ZNF345: variants seen among roughly 807,000 people sequenced by gnomAD.
ZNF345 encodes the protein zinc finger protein HZF10.
For synonymous variants in ZNF345, 166 were observed against 187.9 expected (o/e 0.88, Z 0.95); for missense variants, 527 against 589.9 (o/e 0.89, Z 1.10).
intron 2 of ZNF345, among the ~76,000 whole-genome samples, chr19:36,867,996 G>A (rs1409939900): frequency 6.7e-6 from 1 of 148,466 alleles, no homozygotes; most frequent in Non-Finnish European, 1.5e-5. Flanking sequence ...TGGATATGAG[G>A]AGTGGCTTTT....
At chr19:36,866,145 T>C (rs944720159) in intron 2 of ZNF345, among the ~76,000 whole-genome samples, 1 of 152,194 alleles carries the variant, frequency 6.6e-6, no homozygotes, top group African/African-American at 2.4e-5. Flanking sequence ...TTTTGTCTTA[T>C]TTGGTATCAT....
In ZNF345 at chr19:36,852,572, C is replaced by A. The variant is rs566104134; in HGVS notation, c.-47+668C>A. Among the ~76,000 whole-genome samples the A allele has an allele frequency of 3.8e-4, 57 of 151,046 alleles. No individual in the cohort carries two copies. In the Middle Eastern group the frequency reaches 0.01, roughly 27 times the overall value. ...CAGTGAGCCAAGATTGTGCCACTGC[C>A]CTCCAGCCTGGTGACAGAGTGAGAC... is the stretch of plus-strand genomic sequence containing the variant. On this transcript the variant is annotated intron_variant, in intron 2 of 2. Transcript: ENST00000420450.
At chr19:36,854,250 T>TTA (rs397718003) in intron 2 of ZNF345, among the ~76,000 whole-genome samples, 24 of 151,662 alleles carry the variant, frequency 1.6e-4, no homozygotes, top group Admixed American at 6.6e-4. Context: ...TTTTTTTTTT[T>TTA]ATTGAGCACC....
intron 2 of ZNF345, among the ~76,000 whole-genome samples, chr19:36,861,079 A>G (rs970294159): frequency 2.6e-5 from 4 of 152,034 alleles, no homozygotes; most frequent in Non-Finnish European, 4.4e-5. Flanking sequence ...ACTTTCCTCA[A>G]TGGGTTATAA....
intron 2 of ZNF345, among the ~76,000 whole-genome samples, chr19:36,876,135 GA>G: frequency 6.6e-6 from 1 of 152,168 alleles, no homozygotes; most frequent in East Asian, 1.9e-4. Flanking sequence ...ATAGAATTTG[GA>G]GGCAAACTTA....
chr19:36,892,849 C>T (rs759660141), exon 4 of ZNF345: 1 of 1,098,428 alleles, frequency 9.1e-7, no homozygotes, highest in East Asian at 3.2e-5. Context: ...AGACCCAGCT[C>T]TGTGTCTCCT....
rs753559994 is a variant in ZNF345 at position 36,877,589 on chromosome 19, C to T, written c.759C>T (p.Thr253=). ...TTACTCGGCATCAGAGAATTCATAC[C>T]GGTGAGAAACCATATATATGTAATG... ...SALTRHQRIH[T]GEKPYICNEC... is the part of the protein sequence containing the mutation. Residue 253 remains threonine (T), a synonymous_variant, in exon 3 of 3, where the codon ACC becomes ACT. Transcript: ENST00000420450. 8.4e-5 allele frequency: 135 copies of T among 1,611,870 alleles called. No homozygotes were observed. The highest frequency in any genetic ancestry group is 7.0e-4 in the Admixed American group (42 of 59,766).
At chr19:36,891,912 C>T in intron 3 of ZNF345, 1 of 1,614,026 alleles carries the variant, frequency 6.2e-7, no homozygotes. Context: ...CATAAGGTTT[C>T]TCACCAGTAT....
intron 2 of ZNF345, among the ~76,000 whole-genome samples, chr19:36,866,694 G>A (rs969399333): frequency 2.0e-5 from 3 of 152,120 alleles, no homozygotes; most frequent in South Asian, 2.1e-4. Flanking sequence ...GATTACAGGC[G>A]TGCACCACCA....
At chr19:36,866,793 C>T (rs1215684980) in intron 2 of ZNF345, among the ~76,000 whole-genome samples, 1 of 152,176 alleles carries the variant, frequency 6.6e-6, no homozygotes, top group African/African-American at 2.4e-5. Flanking sequence ...TCAAGCGATC[C>T]ACTTGCCTCG....
intron 2 of ZNF345, among the ~76,000 whole-genome samples, chr19:36,856,811 C>T (rs1449264110): frequency 6.7e-6 from 1 of 149,742 alleles, no homozygotes; most frequent in Non-Finnish European, 1.5e-5. Flanking sequence ...GATGGTGCCA[C>T]TGCACTCCAG....
At chr19:36,870,568 T>C (rs1370228302) in intron 2 of ZNF345, among the ~76,000 whole-genome samples, 3 of 152,226 alleles carry the variant, frequency 2.0e-5, no homozygotes, top group East Asian at 1.9e-4. Context: ...TTGTGAGTTC[T>C]GGTATATTTT....
In ZNF345 at chr19:36,866,469, C is replaced by T. The variant is rs549263765; in HGVS notation, c.-46-10316C>T. On this transcript the variant is annotated intron_variant, in intron 2 of 2. Transcript: ENST00000420450. Reference sequence around the variant, plus strand: ...ATAATTTTTTGCCAACTTTGTATAACTCCCTAAAGAATATTATACAGCTTT... The same window carrying T: ...ATAATTTTTTGCCAACTTTGTATAATTCCCTAAAGAATATTATACAGCTTT... 8.5e-5 allele frequency among the ~76,000 whole-genome samples: 13 copies of T among 152,262 alleles called. 1 individual carries two copies. In the South Asian group the frequency reaches 2.7e-3, roughly 32 times the overall value.
intron 3 of ZNF345, chr19:36,888,209 TA>T (rs71754010): frequency 2.0e-5 from 3 of 151,272 alleles, no homozygotes; most frequent in Admixed American, 2.0e-4. Context: ...AACATAGAAA[TA>T]GAAATGAAAT....
intron 2 of ZNF345, among the ~76,000 whole-genome samples, chr19:36,862,663 C>CAA (rs753670661): frequency 4.3e-3 from 168 of 38,784 alleles, no homozygotes; most frequent in Middle Eastern, 0.024. Context: ...GACCCAGTCT[C>CAA]AAAAAAAAAA....
intron 2 of ZNF345, among the ~76,000 whole-genome samples, chr19:36,875,311 A>ATTT (rs1369630100): frequency 2.6e-5 from 4 of 152,214 alleles, no homozygotes; most frequent in African/African-American, 9.6e-5. Flanking sequence ...TATTTTAAAG[A>ATTT]TACATCATTT....
At position 36,876,995 on chromosome 19, in the gene ZNF345, T is replaced by C. The variant is rs1247127253; in HGVS notation, c.165T>C (p.Ile55=). 1 of 1,614,138 alleles carries C rather than the reference T, an allele frequency of 6.2e-7. No individual in the cohort carries two copies. The highest frequency in any genetic ancestry group is 8.5e-7 in the Non-Finnish European group (1 of 1,179,972). The change falls in exon 3 of 3, where the codon ATT becomes ATC. Residue 55 remains isoleucine (I), a synonymous_variant. Transcript: ENST00000420450. ...MPTFSIQHQR[I]HTDEKLLECK... ...CTTTCAGTATCCAGCATCAGAGAATTCATACTGATGAGAAACTCCTTGAAT... is the reference window on the plus strand; with the variant it reads ...CTTTCAGTATCCAGCATCAGAGAATCCATACTGATGAGAAACTCCTTGAAT...
chr19:36,868,284 G>A (rs1371417824), intron 2 of ZNF345, among the ~76,000 whole-genome samples: 1 of 152,096 alleles, frequency 6.6e-6, no homozygotes, highest in Non-Finnish European at 1.5e-5. Context: ...TTACAGGCGT[G>A]AGCCACCGCG....
chr19:36,891,791 T>C, intron 3 of ZNF345: 1 of 1,614,132 alleles, frequency 6.2e-7, no homozygotes, highest in Non-Finnish European at 8.5e-7. Flanking sequence ...GAGGCACTAT[T>C]AAAGGCCTTC....
Sources: gnomAD v4.1 joint callset for allele counts (sites outside exome capture counted in the v4.1 genomes callset) on GRCh38, gnomAD v4.1.1 for gene constraint, MANE v1.5 for transcripts, NCBI Gene and HGNC (gene_info 2026-07-23, HGNC 2026-07-21) for gene names.